RPL35: variants seen among roughly 807,000 people sequenced by gnomAD.
RPL35 encodes ribosomal protein L35.
RPL35 carries 2 observed loss-of-function variants against 15.6 expected under a neutral mutation model. That is an observed-to-expected ratio of 0.13 (90% CI 0.05 to 0.40). The LOEUF (loss-of-function observed/expected upper bound fraction) is 0.40. Ranked by LOEUF, RPL35 falls within the 10% of genes least tolerant of loss-of-function variation. The pLI, the probability that RPL35 is intolerant of heterozygous loss-of-function variation, is 0.99. For missense variants in RPL35, 111 were observed against 164.7 expected (o/e 0.67, Z 1.79); for synonymous variants, 93 against 67.9 (o/e 1.37, Z -1.82).
At chr9:124,858,656 G>C in intron 3 of RPL35, 1 of 628,958 alleles carries the variant, frequency 1.6e-6, no homozygotes. Flanking sequence ...TTCCATCCTT[G>C]GCTCCCACTC....
Position 124,857,956 on chromosome 9 carries a change from G to A in RPL35, c.334C>T (p.Arg112Trp), listed in dbSNP as rs2131323058. ...LKTKKQQRKE[R>W]LYPLRKYAVK... Reference sequence around the variant, plus strand: ...GCGTACTTCCGCAGCGGGTACAGCCGCTCCTTCCGCTGCTGCTTCTTGGTC... The same window carrying A: ...GCGTACTTCCGCAGCGGGTACAGCCACTCCTTCCGCTGCTGCTTCTTGGTC... The change falls in exon 4 of 4, where the codon CGG (arginine) becomes TGG (tryptophan). Residue 112 changes from arginine to tryptophan, a missense_variant. Physicochemically the swap from Arg to Trp is moderately radical, Grantham distance 101 (BLOSUM62 -3). Transcript: ENST00000348462. 7 of 1,612,232 alleles carry A rather than the reference G, an allele frequency of 4.3e-6. No homozygotes were observed. The highest frequency in any genetic ancestry group is 5.9e-6 in the Non-Finnish European group (7 of 1,180,042).
Sources: allele counts gnomAD v4.1 joint callset, GRCh38; gene constraint gnomAD v4.1.1; transcripts MANE v1.5; gene names NCBI Gene and HGNC (gene_info 2026-07-23, HGNC 2026-07-21).